The following TRPV5 variants were observed in gnomAD, a reference collection of about 807,000 sequenced individuals.
TRPV5 encodes calcium transport protein 2.
Under a neutral mutation model 74.1 loss-of-function variants are expected in TRPV5, and 66 were observed. The observed-to-expected ratio is 0.89, with a 90% CI of 0.73 to 1.09. The LOEUF (loss-of-function observed/expected upper bound fraction) is 1.09. Among genes scored for constraint, TRPV5 ranks in the 50% least tolerant of loss-of-function variants. The pLI is 0.00. For synonymous variants in TRPV5, 399 were observed against 360.7 expected (o/e 1.11, Z -1.20); for missense variants, 936 against 930.4 (o/e 1.01, Z -0.08).
chr7:142,926,916 T>C (rs866174911), intron 7 of TRPV5, among the ~76,000 whole-genome samples: 1 of 152,188 alleles, frequency 6.6e-6, no homozygotes, highest in Non-Finnish European at 1.5e-5. Context: ...GTTTTCTGGA[T>C]CTATAAGGAT....
chr7:142,910,879 C>T (rs1028879022), intron 13 of TRPV5, among the ~76,000 whole-genome samples: 4 of 152,164 alleles, frequency 2.6e-5, no homozygotes, highest in Non-Finnish European at 5.9e-5. Flanking sequence ...CTGGGCTTCA[C>T]ACAGTTGTGC....
At chr7:142,924,315 C>CATATATATATATATAT (rs1795940394) in intron 8 of TRPV5, among the ~76,000 whole-genome samples, 1 of 16,752 alleles carries the variant, frequency 6.0e-5, no homozygotes. Context: ...TATATATACA[C>CATATATATATATATAT]ACATATACAT....
chr7:142,930,648 A>G (rs756332247), intron 1 of TRPV5, among the ~76,000 whole-genome samples: 1 of 152,252 alleles, frequency 6.6e-6, no homozygotes, highest in Non-Finnish European at 1.5e-5. Context: ...TGCAATTCAC[A>G]TCATGGTGAT....
At chr7:142,918,496 C>T (rs531734549) in intron 8 of TRPV5, among the ~76,000 whole-genome samples, 1 of 152,210 alleles carries the variant, frequency 6.6e-6, no homozygotes, top group African/African-American at 2.4e-5. Context: ...TCTGAATTGA[C>T]CTTTCTAAAA....
Position 142,929,998 on chromosome 7 carries a change from G to A in TRPV5, c.349+60C>T, listed in dbSNP as rs139493534. ...CATCCTTCAGAGGCCAATTTTAAGA[G>A]ACAACAGCACACCCTCCATCTCAAA... On this transcript the variant is annotated intron_variant, in intron 3 of 14. Transcript: ENST00000265310. 2.1e-3 allele frequency: 3,359 copies of A among 1,611,048 alleles called. 6 individuals carry two copies. Among genetic ancestry groups the A allele is most frequent in the Non-Finnish European group, 2.6e-3 (3,057 of 1,179,210 alleles).
Position 142,925,546 on chromosome 7 carries a change from G to A in TRPV5, c.1105C>T (p.Gln369Ter), listed in dbSNP as rs1350410887. The A allele has an allele frequency of 1.2e-6, 2 of 1,614,060 alleles. No homozygotes were observed. The highest frequency in any genetic ancestry group is 1.7e-6 in the Non-Finnish European group (2 of 1,180,036). ...AGAATCACCTGTAGTAGTTTTTGCTGGAGGATGGTGATGTCTCGAGAATGA... is the reference window on the plus strand; with the variant it reads ...AGAATCACCTGTAGTAGTTTTTGCTAGAGGATGGTGATGTCTCGAGAATGA... ...RTHSRDITILQQKLLQEAYET... is the reference protein window; with the variant it reads ...RTHSRDITIL The change falls in exon 8 of 15, where the codon CAG (glutamine) becomes TAG (stop). Residue 369 changes from glutamine (Q) to a stop codon, truncating the protein, a stop_gained. Coordinates refer to ENST00000265310, the MANE Select transcript of TRPV5 (RefSeq NM_019841.7). LOFTEE classifies it high-confidence loss of function.
chr7:142,915,284 G>A, intron 10 of TRPV5, 23 bp downstream of exon 10: 1 of 1,608,388 alleles, frequency 6.2e-7, no homozygotes, highest in Non-Finnish European at 8.5e-7. Context: ...AAAGGCAGGG[G>A]GCTGGAATGA....
Position 142,928,209 on chromosome 7 carries a change from C to A in TRPV5, c.788G>T (p.Arg263Leu), listed in dbSNP as rs544283001. 6.2e-7 allele frequency: 1 copy of A among 1,614,126 alleles called. No homozygotes were observed. Among genetic ancestry groups the A allele is most frequent in the Non-Finnish European group, 8.5e-7 (1 of 1,180,016 alleles). ...TCCATACGTCCACTGGATGTGCCTCCGCTTCTGCATCAGGTGCTGGAACAT... is the reference window on the plus strand; with the variant it reads ...TCCATACGTCCACTGGATGTGCCTCAGCTTCTGCATCAGGTGCTGGAACAT... ...TVMFQHLMQK[R>L]RHIQWTYGPL... is the part of the protein sequence containing the mutation. Residue 263 changes from arginine to leucine, a missense_variant, in exon 7 of 15, where the codon CGG (arginine) becomes CTG (leucine). Physicochemically the swap from Arg to Leu is moderately radical, Grantham distance 102 (BLOSUM62 -2). Transcript: ENST00000265310.
At chr7:142,926,101 G>C (rs4252432) in intron 7 of TRPV5, among the ~76,000 whole-genome samples, 116,193 of 152,126 alleles carry the variant, frequency 0.76, 48,353 homozygotes, top group East Asian at 0.96. Context: ...TTGGGGAGAG[G>C]GGAGAATCTA....
rs537809604 is a variant in TRPV5 at position 142,928,314 on chromosome 7, G to A, written c.763-80C>T. 33 of 1,494,776 alleles carry A rather than the reference G, an allele frequency of 2.2e-5. No homozygotes were observed. The East Asian group carries it at 7.2e-4, about 33-fold the overall frequency. 92.6% of individuals were successfully genotyped at this position (1,494,776 alleles called of 1,614,324 possible). On this transcript the variant is annotated intron_variant, in intron 6 of 14. Coordinates refer to ENST00000265310, the MANE Select transcript of TRPV5 (RefSeq NM_019841.7). Reference sequence around the variant, plus strand: ...AGAACAACTCCATTGGATGGAGCCAGTTGCCCACCCCTTGAGACAGACAGA... The same window carrying A: ...AGAACAACTCCATTGGATGGAGCCAATTGCCCACCCCTTGAGACAGACAGA...
chr7:142,928,132 C>T lies in TRPV5; in HGVS notation c.865G>A (p.Glu289Lys). 2 of 1,614,136 alleles carry T rather than the reference C, an allele frequency of 1.2e-6. No individual in the cohort carries two copies. The change falls in exon 7 of 15, where the codon GAG becomes AAG. Residue 289 changes from glutamate to lysine, a missense_variant. Transcript: ENST00000265310. The part of the protein sequence containing the change: ...DLTEIDSWGE[E>K]LSFLELVVSS... ...ACCACAAGCTCCAGGAAGGACAGCT[C>T]CTCTCCCCAGGAGTCGATCTCCGTG... is the stretch of plus-strand genomic sequence containing the variant.
chr7:142,928,600 G>A (rs1796028093), intron 6 of TRPV5, 91 bp downstream of exon 6: 2 of 1,468,568 alleles, frequency 1.4e-6, no homozygotes, highest in South Asian at 1.4e-5. Context: ...TTTAGAGAAA[G>A]GTGGGCCCTT....
In TRPV5 at chr7:142,933,297, G is replaced by A. The variant is rs756750356; in HGVS notation, c.128+35C>T. 8.7e-6 allele frequency: 14 copies of A among 1,609,050 alleles called. No homozygotes were observed. The East Asian group carries it at 1.1e-4, about 13-fold the overall frequency. On this transcript the variant is annotated intron_variant, in intron 1 of 14. Coordinates refer to ENST00000265310, the MANE Select transcript of TRPV5 (RefSeq NM_019841.7). ...GTGGGTCAGAGGGTCTGAGGATCAC[G>A]GCGGTAGGGCCACGGATCGTTCTAG...
intron 8 of TRPV5, among the ~76,000 whole-genome samples, chr7:142,920,167 G>C (rs915674129): frequency 6.6e-6 from 1 of 152,138 alleles, no homozygotes; most frequent in Non-Finnish European, 1.5e-5. Context: ...GAACCGCTGG[G>C]CCATAAAGAG....
chr7:142,913,157 G>T (rs1196832677), intron 12 of TRPV5, among the ~76,000 whole-genome samples: 1 of 152,182 alleles, frequency 6.6e-6, no homozygotes, highest in Non-Finnish European at 1.5e-5. Flanking sequence ...AATTTTTAAA[G>T]AACAGAACAC....
chr7:142,930,178 C>T lies in TRPV5; in HGVS notation c.229G>A (p.Ala77Thr), dbSNP rs1311754523. The part of the protein sequence containing the change: ...DCTCDVRQRG[A>T]LGETALHIAA... ...ATGTGCAGCGCCGTCTCCCCCAGGG[C>T]TCCTGGATTGGAGTAAGACAGAGAT... Residue 77 changes from alanine (A) to threonine (T), a missense_variant and splice_region_variant, in exon 3 of 15, where the codon GCC becomes ACC. Transcript: ENST00000265310. 4 of 1,612,138 alleles carry T rather than the reference C, an allele frequency of 2.5e-6. No individual in the cohort carries two copies. The highest frequency in any genetic ancestry group is 1.6e-4 in the Middle Eastern group (1 of 6,064).
intron 8 of TRPV5, 131 bp downstream of exon 8, chr7:142,925,398 T>C (rs1795966452): frequency 2.3e-5 from 20 of 854,384 alleles, no homozygotes; most frequent in Middle Eastern, 2.8e-4. Flanking sequence ...GTCTAATTTC[T>C]ACCTGGGTGT....
At chr7:142,920,758 T>C (rs1216100527) in intron 8 of TRPV5, among the ~76,000 whole-genome samples, 1 of 152,224 alleles carries the variant, frequency 6.6e-6, no homozygotes. Flanking sequence ...TCTACAAAGA[T>C]TAAATGAAAG....
At position 142,928,430 on chromosome 7, in the gene TRPV5, A is replaced by G. The variant is rs1371014647; in HGVS notation, c.763-196T>C. On this transcript the variant is annotated intron_variant, in intron 6 of 14. Transcript: ENST00000265310. ...AACCCCAGAAAGTGCAGAAAGAAGA[A>G]AATAGGCAAAGGAAGCTAGAGCTTT... Among the ~76,000 whole-genome samples, 6 of 152,220 alleles carry G rather than the reference A, an allele frequency of 3.9e-5. No individual in the cohort carries two copies. The East Asian group carries it at 1.2e-3, about 29-fold the overall frequency.
Sources: allele counts gnomAD v4.1 joint callset (sites outside exome capture counted in the v4.1 genomes callset), GRCh38; gene constraint gnomAD v4.1.1; transcripts MANE v1.5; gene names NCBI Gene and HGNC (gene_info 2026-07-23, HGNC 2026-07-21).